Variants in SPAG1 observed in about 807,000 individuals in gnomAD.
The protein encoded by SPAG1 is sperm-associated antigen 1.
In SPAG1, 69 loss-of-function variants were observed where a neutral mutation model predicts 100.5. The observed-to-expected ratio is 0.69, with a 90% CI of 0.57 to 0.84. The LOEUF (loss-of-function observed/expected upper bound fraction) is 0.84. Ranked by LOEUF, SPAG1 falls within the 40% of genes least tolerant of loss-of-function variation. The probability of loss-of-function intolerance (pLI) is 0.00; values close to 1 mark genes in which losing one functional copy is unlikely to be tolerated. For synonymous variants in SPAG1, 336 were observed against 411.6 expected, an observed-to-expected ratio of 0.82 and a Z score of 2.22; for missense variants, 955 against 1,133.1, an observed-to-expected ratio of 0.84 and a Z score of 2.26.
At position 100,178,226 on chromosome 8, in the gene SPAG1, C is replaced by T. The variant is rs567912039; in HGVS notation, c.426+285C>T. Among the ~76,000 whole-genome samples the T allele has an allele frequency of 6.6e-5, 10 of 151,344 alleles. No homozygotes were observed. In the South Asian group the frequency reaches 1.7e-3, roughly 25 times the overall value. On this transcript the variant is annotated intron_variant, in intron 4 of 18. Coordinates refer to ENST00000388798, the MANE Select transcript of SPAG1 (RefSeq NM_003114.5). ...CTTTTTTTATACACCCTGTCTCTTC[C>T]GTCCAGTTTTGATGAGAGCAAAAGG...
chr8:100,178,057 G>A, intron 4 of SPAG1, 116 bp downstream of exon 4: 1 of 722,716 alleles, frequency 1.4e-6, no homozygotes, highest in Non-Finnish European at 2.2e-6. Context: ...AGGAGAATTG[G>A]GGAGTTTGTT....
chr8:100,162,122 A>C (rs1229594898), intron 1 of SPAG1, among the ~76,000 whole-genome samples, 157 bp from the exon 2 acceptor site: 1 of 152,192 alleles, frequency 6.6e-6, no homozygotes, highest in African/African-American at 2.4e-5. Flanking sequence ...TGAGGCCAGA[A>C]GTTAGAGACC....
At chr8:100,180,209 A>G (rs1412841008) in intron 4 of SPAG1, among the ~76,000 whole-genome samples, 1 of 151,980 alleles carries the variant, frequency 6.6e-6, no homozygotes, top group African/African-American at 2.4e-5. Context: ...GCACATGCCT[A>G]TAGTTCTAGT....
At chr8:100,211,550 G>A (rs2439461) in intron 10 of SPAG1, among the ~76,000 whole-genome samples, 95,160 of 151,952 alleles carry the variant, frequency 0.63, 30,149 homozygotes, top group African/African-American at 0.72. Flanking sequence ...AGTCCCAGCT[G>A]CTCTGGAAGC....
At chr8:100,232,647 C>T (rs1288798692) in intron 15 of SPAG1, among the ~76,000 whole-genome samples, 1 of 152,178 alleles carries the variant, frequency 6.6e-6, no homozygotes, top group Non-Finnish European at 1.5e-5. Flanking sequence ...TCCTAAATGT[C>T]TGCAGCACCC....
chr8:100,167,947 A>G (rs1815639254), intron 3 of SPAG1, among the ~76,000 whole-genome samples: 1 of 152,202 alleles, frequency 6.6e-6, no homozygotes, highest in African/African-American at 2.4e-5. Context: ...TTTCACTTAT[A>G]TAATGCTTTT....
At chr8:100,232,286 G>T (rs535811787) in intron 15 of SPAG1, among the ~76,000 whole-genome samples, 2 of 151,892 alleles carry the variant, frequency 1.3e-5, no homozygotes, top group African/African-American at 4.8e-5. Flanking sequence ...CCTGGTTCTC[G>T]TCCTCTCCCT....
In SPAG1 at chr8:100,240,551, G is replaced by T. The variant is rs745414102; in HGVS notation, c.2429G>T (p.Gly810Val). The change falls in exon 18 of 19, where the codon GGT becomes GTT. Residue 810 changes from glycine to valine, a missense_variant. Coordinates refer to ENST00000388798, the MANE Select transcript of SPAG1 (RefSeq NM_003114.5). ...AAGCCTAATAATGCCTATGAATTTG[G>T]TCAGATTATAAATGCTCTCAGTACC... The part of the protein sequence containing the change: ...IAKPNNAYEF[G>V]QIINALSTRK... 6.2e-7 allele frequency: 1 copy of T among 1,614,080 alleles called. No homozygotes were observed. Among genetic ancestry groups the T allele is most frequent in the East Asian group, 2.2e-5 (1 of 44,884 alleles).
At chr8:100,212,990 G>A in intron 10 of SPAG1, 100 bp from the exon 11 acceptor site, 1 of 987,782 alleles carries the variant, frequency 1.0e-6, no homozygotes, top group East Asian at 3.6e-5. Flanking sequence ...CTTCCCTAGA[G>A]CCCGCCCTCC....
intron 7 of SPAG1, among the ~76,000 whole-genome samples, chr8:100,185,723 A>C (rs551671609): frequency 1.3e-5 from 2 of 152,342 alleles, no homozygotes; most frequent in South Asian, 2.1e-4. Context: ...AACTCTGTAC[A>C]ATCTTTTTTC....
chr8:100,231,981 G>C (rs1348755770), intron 15 of SPAG1, among the ~76,000 whole-genome samples: 1 of 143,222 alleles, frequency 7.0e-6, no homozygotes, highest in Non-Finnish European at 1.5e-5. Flanking sequence ...AAAAAATACT[G>C]TCTTAGGGAG....
chr8:100,217,152 G>T (rs572799292), intron 12 of SPAG1, among the ~76,000 whole-genome samples: 1 of 151,804 alleles, frequency 6.6e-6, no homozygotes, highest in South Asian at 2.1e-4. Flanking sequence ...TGCAGGCCAG[G>T]CTGGTCTTGA....
intron 1 of SPAG1, among the ~76,000 whole-genome samples, chr8:100,161,338 TCAAAAA>T (rs1815296327): frequency 1.3e-5 from 2 of 151,952 alleles, no homozygotes; most frequent in East Asian, 1.9e-4. Flanking sequence ...TGACACCATC[TCAAAAA>T]CAAAAACAAA....
At chr8:100,197,766 C>T (rs1028603855) in intron 10 of SPAG1, among the ~76,000 whole-genome samples, 3 of 152,188 alleles carry the variant, frequency 2.0e-5, no homozygotes, top group African/African-American at 7.2e-5. Context: ...TGGCCAGGCC[C>T]AGTTCATCCC....
chr8:100,160,092 C>T (rs1054889801), intron 1 of SPAG1, among the ~76,000 whole-genome samples: 4 of 152,166 alleles, frequency 2.6e-5, no homozygotes, highest in East Asian at 1.9e-4. Flanking sequence ...GCCTAGCACA[C>T]ATTAAGAACT....
At chr8:100,233,379 T>C in intron 15 of SPAG1, 32 bp from the exon 16 acceptor site, 2 of 1,610,360 alleles carry the variant, frequency 1.2e-6, no homozygotes. Flanking sequence ...TCTTTACCTT[T>C]CATAATACTG....
chr8:100,223,167 C>T (rs1818357953), intron 13 of SPAG1, among the ~76,000 whole-genome samples: 1 of 152,170 alleles, frequency 6.6e-6, no homozygotes, highest in Admixed American at 6.5e-5. Context: ...TATCCATTCA[C>T]CAGTTGATGA....
At chr8:100,195,769 A>G (rs1462322363) in intron 10 of SPAG1, among the ~76,000 whole-genome samples, 1 of 152,198 alleles carries the variant, frequency 6.6e-6, no homozygotes, top group Admixed American at 6.5e-5. Flanking sequence ...TTAAAATTTT[A>G]TATATAGTAA....
At chr8:100,230,166 A>G (rs1818703348) in intron 14 of SPAG1, among the ~76,000 whole-genome samples, 2 of 152,230 alleles carry the variant, frequency 1.3e-5, no homozygotes. Context: ...GGTTTGCTTC[A>G]CTTAAACCAA....
Sources: gnomAD v4.1 joint callset for allele counts (sites outside exome capture counted in the v4.1 genomes callset) on GRCh38, gnomAD v4.1.1 for gene constraint, MANE v1.5 for transcripts, NCBI Gene and HGNC (gene_info 2026-07-23, HGNC 2026-07-21) for gene names.